The following CTNND2 variants were observed in gnomAD, a reference collection of about 807,000 sequenced individuals.
CTNND2 encodes the protein catenin delta 2.
CTNND2 carries 22 observed loss-of-function variants against 144.4 expected under a neutral mutation model. The observed-to-expected ratio is 0.15, with a 90% CI of 0.11 to 0.22. The LOEUF (loss-of-function observed/expected upper bound fraction) is 0.22, where lower values mean the gene tolerates loss of function less well. Ranked by LOEUF, CTNND2 falls within the 10% of genes least tolerant of loss-of-function variation. The pLI is 1.00. For synonymous variants in CTNND2, 751 were observed against 695.6 expected (o/e 1.08, Z -1.25); for missense variants, 1,353 against 1,618.8 (o/e 0.84, Z 2.82).
chr5:11,584,433 G>T (rs1319989361), intron 2 of CTNND2, among the ~76,000 whole-genome samples: 1 of 145,428 alleles, frequency 6.9e-6, no homozygotes, highest in Non-Finnish European at 1.5e-5. Flanking sequence ...TTTGGGGGGG[G>T]GGAGGAGGAA....
intron 2 of CTNND2, among the ~76,000 whole-genome samples, chr5:11,569,606 T>A (rs1443604556): frequency 6.6e-6 from 1 of 152,128 alleles, no homozygotes; most frequent in Non-Finnish European, 1.5e-5. Context: ...AGAAAACTCA[T>A]CGCCATAGTT....
intron 11 of CTNND2, among the ~76,000 whole-genome samples, chr5:11,190,620 T>C (rs1040598660): frequency 6.6e-6 from 1 of 152,194 alleles, no homozygotes; most frequent in African/African-American, 2.4e-5. Flanking sequence ...CAGTATGAAA[T>C]AGAAGGTTCT....
At chr5:11,085,263 T>A (rs1365163693) in intron 15 of CTNND2, among the ~76,000 whole-genome samples, 2 of 152,236 alleles carry the variant, frequency 1.3e-5, no homozygotes, top group Admixed American at 1.3e-4. Flanking sequence ...AGTGATGTGT[T>A]TTCCCTAAGA....
At chr5:11,674,628 T>A (rs1473798251) in intron 2 of CTNND2, among the ~76,000 whole-genome samples, 2 of 152,236 alleles carry the variant, frequency 1.3e-5, no homozygotes, top group Non-Finnish European at 1.5e-5. Flanking sequence ...CTCATGTACA[T>A]GAATTTCTGT....
intron 9 of CTNND2, among the ~76,000 whole-genome samples, chr5:11,243,848 T>C (rs559836221): frequency 6.6e-6 from 1 of 152,200 alleles, no homozygotes; most frequent in Non-Finnish European, 1.5e-5. Context: ...CCAGGACAAC[T>C]AGAATCCTCA....
At chr5:11,039,094 G>GCAAA (rs953844541) in intron 16 of CTNND2, among the ~76,000 whole-genome samples, 1 of 152,168 alleles carries the variant, frequency 6.6e-6, no homozygotes, top group Non-Finnish European at 1.5e-5. Flanking sequence ...AAGCAAGCAA[G>GCAAA]CAAACAAACA....
intron 3 of CTNND2, among the ~76,000 whole-genome samples, chr5:11,438,259 T>G (rs1452830840): frequency 6.6e-6 from 1 of 152,242 alleles, no homozygotes; most frequent in Non-Finnish European, 1.5e-5. Context: ...TTCCATTTCT[T>G]TTGTTCATTC....
At chr5:11,325,998 A>G (rs1445716626) in intron 9 of CTNND2, among the ~76,000 whole-genome samples, 1 of 152,178 alleles carries the variant, frequency 6.6e-6, no homozygotes, top group African/African-American at 2.4e-5. Context: ...CAAAGTGAAC[A>G]TGGGATGTGT....
intron 3 of CTNND2, among the ~76,000 whole-genome samples, chr5:11,460,645 G>A (rs1561427217): frequency 1.3e-5 from 2 of 152,090 alleles, no homozygotes; most frequent in Admixed American, 1.3e-4. Flanking sequence ...CAGTACCCCA[G>A]GGCCTTTGCG....
chr5:11,474,499 G>A (rs187860083), intron 3 of CTNND2, among the ~76,000 whole-genome samples: 5 of 152,286 alleles, frequency 3.3e-5, no homozygotes, highest in Admixed American at 3.3e-4. Flanking sequence ...AAGTAAACAA[G>A]CACATAAGAG....
chr5:11,220,449 C>T (rs1243355656), intron 10 of CTNND2, among the ~76,000 whole-genome samples: 1 of 152,130 alleles, frequency 6.6e-6, no homozygotes, highest in East Asian at 1.9e-4. Flanking sequence ...CTCCTTCATT[C>T]GGTCCATACT....
chr5:11,061,295 T>C (rs1746950436), intron 16 of CTNND2, among the ~76,000 whole-genome samples: 1 of 152,312 alleles, frequency 6.6e-6, no homozygotes, highest in South Asian at 2.1e-4. Flanking sequence ...TTCCATCTTA[T>C]CTACTGTCTA....
chr5:11,199,631 C>A lies in CTNND2; in HGVS notation c.1792G>T (p.Val598Leu). The change falls in exon 11 of 22, where the codon GTG becomes TTG. Residue 598 changes from valine (V) to leucine (L), a missense_variant. Transcript: ENST00000304623. ...GTCATCCGATGATCCAACAGGTCCA[C>A]CAGGAGCTGGATGCCTCCTTGTCTC... The part of the protein sequence containing the change: ...IRRQGGIQLL[V>L]DLLDHRMTEV... 6.2e-7 allele frequency: 1 copy of A among 1,614,134 alleles called. No individual in the cohort carries two copies.
chr5:10,978,722 T>C (rs993133612), intron 21 of CTNND2, among the ~76,000 whole-genome samples: 1 of 152,204 alleles, frequency 6.6e-6, no homozygotes, highest in African/African-American at 2.4e-5. Flanking sequence ...TTAGCAACAT[T>C]TGCCTGAGGC....
intron 11 of CTNND2, among the ~76,000 whole-genome samples, chr5:11,169,200 T>C (rs1012504611): frequency 8.5e-5 from 13 of 152,170 alleles, no homozygotes; most frequent in Non-Finnish European, 1.6e-4. Flanking sequence ...GCCAAGGACC[T>C]ACAGCCTTAT....
chr5:11,036,372 C>T (rs1381563457), intron 16 of CTNND2, among the ~76,000 whole-genome samples: 1 of 152,148 alleles, frequency 6.6e-6, no homozygotes, highest in Non-Finnish European at 1.5e-5. Context: ...TCCCAGATAA[C>T]TCTTTTTGAA....
chr5:11,400,664 C>T (rs1355192499), intron 5 of CTNND2, among the ~76,000 whole-genome samples: 1 of 152,194 alleles, frequency 6.6e-6, no homozygotes, highest in African/African-American at 2.4e-5. Context: ...TTCCATTAAT[C>T]CTAAGAAGAT....
Position 11,023,059 on chromosome 5 carries a change from G to A in CTNND2, c.2789-80C>T, listed in dbSNP as rs369464021. ...TAGTGGCAGAGGTGGGTATGGGGGA[G>A]AAGAGAATACGAGAGGCCACGTTTA... On this transcript the variant is annotated intron_variant, in intron 16 of 21. Transcript: ENST00000304623. The A allele has an allele frequency of 2.3e-6, 3 of 1,306,372 alleles. No individual in the cohort carries two copies. The South Asian group carries it at 3.6e-5, about 16-fold the overall frequency. The allele number at this position is 1,306,372 out of a possible 1,614,324, so 80.9% of individuals were successfully genotyped here. A position where few individuals can be genotyped will look rare whatever the true frequency, so the allele number is the denominator to read the frequency against.
chr5:11,209,791 A>G (rs111252905), intron 10 of CTNND2, among the ~76,000 whole-genome samples: 9,685 of 152,082 alleles, frequency 0.064, 436 homozygotes, highest in Admixed American at 0.11. Flanking sequence ...GCATGGTGGC[A>G]GGTGCCTGTA....
Sources: allele counts gnomAD v4.1 joint callset (sites outside exome capture counted in the v4.1 genomes callset), GRCh38; gene constraint gnomAD v4.1.1; transcripts MANE v1.5; gene names NCBI Gene and HGNC (gene_info 2026-07-23, HGNC 2026-07-21).